Variants in ZNF90 observed in about 807,000 individuals in gnomAD.
ZNF90 encodes the protein zinc finger protein HTF9.
ZNF90 carries 11 observed loss-of-function variants against 12.0 expected under a neutral mutation model. That is an observed-to-expected ratio of 0.92 (90% CI 0.58 to 1.52). ZNF90 has a LOEUF of 1.52. Among genes scored for constraint, ZNF90 ranks in the 40% most tolerant of loss-of-function variants. ZNF90 has a pLI of 0.00. For synonymous variants in ZNF90, 232 were observed against 240.1 expected (o/e 0.97, Z 0.31); for missense variants, 765 against 711.5 (o/e 1.08, Z -0.86).
At chr19:20,091,181 A>T (rs571553451) in intron 1 of ZNF90, among the ~76,000 whole-genome samples, 1 of 152,306 alleles carries the variant, frequency 6.6e-6, no homozygotes, top group South Asian at 2.1e-4. Context: ...GACTCGAGGC[A>T]TGTGAGTAAA....
intron 1 of ZNF90, among the ~76,000 whole-genome samples, chr19:20,084,299 C>T (rs954640453): frequency 1.3e-4 from 20 of 151,794 alleles, no homozygotes; most frequent in Admixed American, 4.6e-4. Flanking sequence ...TCTGGTGATC[C>T]GCCCGGGTCA....
intron 3 of ZNF90, among the ~76,000 whole-genome samples, chr19:20,108,477 T>C (rs2089058462): frequency 6.6e-6 from 1 of 152,032 alleles, no homozygotes; most frequent in Non-Finnish European, 1.5e-5. Context: ...TCCCGGCTAA[T>C]TTTTGTATTT....
intron 3 of ZNF90, among the ~76,000 whole-genome samples, chr19:20,110,680 T>C (rs2089081288): frequency 6.6e-6 from 1 of 152,224 alleles, no homozygotes; most frequent in South Asian, 2.1e-4. Flanking sequence ...TTTTATTGCA[T>C]CATCAAGAGA....
intron 1 of ZNF90, among the ~76,000 whole-genome samples, chr19:20,102,820 A>G (rs1265771792): frequency 6.6e-6 from 1 of 152,202 alleles, no homozygotes; most frequent in Non-Finnish European, 1.5e-5. Context: ...ATGGAATGGC[A>G]TTTATTACCC....
intron 1 of ZNF90, chr19:20,080,266 C>T (rs1010482282): frequency 2.2e-5 from 13 of 577,824 alleles, no homozygotes; most frequent in Non-Finnish European, 3.8e-5. Flanking sequence ...GGTCTTGGTA[C>T]GGACTAGCTC....
intron 1 of ZNF90, among the ~76,000 whole-genome samples, chr19:20,093,914 GAGTC>G (rs2088922541): frequency 2.6e-5 from 4 of 152,204 alleles, no homozygotes; most frequent in Non-Finnish European, 5.9e-5. Context: ...ATCTGGGAAG[GAGTC>G]AGTCAGAGAG....
chr19:20,110,840 A>G (rs1319135494), intron 3 of ZNF90, among the ~76,000 whole-genome samples: 1 of 152,152 alleles, frequency 6.6e-6, no homozygotes, highest in Non-Finnish European at 1.5e-5. Flanking sequence ...TTTTCTAATG[A>G]AAACTTGTTT....
At chr19:20,117,744 A>G (rs2089152490) in intron 3 of ZNF90, 37 bp from the exon 4 acceptor site, 2 of 1,453,182 alleles carry the variant, frequency 1.4e-6, no homozygotes, top group African/African-American at 2.9e-5. Flanking sequence ...ATCAGAATCT[A>G]GCAATTGAAG....
At chr19:20,089,889 C>T (rs564497078) in intron 1 of ZNF90, among the ~76,000 whole-genome samples, 12 of 152,090 alleles carry the variant, frequency 7.9e-5, no homozygotes, top group East Asian at 3.9e-4. Context: ...GGATTAGAAG[C>T]GGCTAGGAGA....
rs1599658173 is a variant in ZNF90, at chr19:20,119,322, C to G, written c.1768C>G (p.Gln590Glu). Reference sequence around the variant, plus strand: ...TACACATAAGAGGATTCATATTGGACAGAAAGCCTACATAGTGAAGAACAT... The same window carrying G: ...TACACATAAGAGGATTCATATTGGAGAGAAAGCCTACATAGTGAAGAACAT... ...LNTHKRIHIG[Q>E]KAYIVKNMAN... Residue 590 changes from glutamine (Q) to glutamate (E), a missense_variant, in exon 4 of 4, where the codon CAG becomes GAG. Physicochemically the swap from Gln to Glu is conservative, Grantham distance 29. Coordinates refer to ENST00000418063, the MANE Select transcript of ZNF90 (RefSeq NM_007138.2). The G allele has an allele frequency of 7.5e-6, 12 of 1,604,412 alleles. No homozygotes were observed. The East Asian group carries it at 2.5e-4, about 33-fold the overall frequency.
chr19:20,085,404 T>G (rs529340839), intron 1 of ZNF90, among the ~76,000 whole-genome samples: 6 of 151,906 alleles, frequency 3.9e-5, no homozygotes, highest in Admixed American at 2.6e-4. Flanking sequence ...GGACTACAGG[T>G]GCCTGCCACC....
At chr19:20,115,218 ACT>A (rs1372965780) in intron 3 of ZNF90, among the ~76,000 whole-genome samples, 2 of 151,974 alleles carry the variant, frequency 1.3e-5, no homozygotes, top group Admixed American at 1.3e-4. Flanking sequence ...ATCTCAACTG[ACT>A]CTTGTAGAAA....
chr19:20,117,531 A>C, intron 3 of ZNF90: 1 of 950,320 alleles, frequency 1.1e-6, no homozygotes, highest in Non-Finnish European at 1.2e-6. Context: ...TCCGCCTCCC[A>C]GGCTCAAGCA....
intron 1 of ZNF90, among the ~76,000 whole-genome samples, chr19:20,083,511 G>A (rs2088836617): frequency 6.6e-6 from 1 of 151,886 alleles, no homozygotes; most frequent in South Asian, 2.1e-4. Flanking sequence ...GTTTTTAGTA[G>A]CAACAGGGTT....
At chr19:20,112,955 A>T (rs1326789004) in intron 3 of ZNF90, among the ~76,000 whole-genome samples, 1 of 152,150 alleles carries the variant, frequency 6.6e-6, no homozygotes, top group East Asian at 1.9e-4. Flanking sequence ...TGGGTATGTC[A>T]CATCACAGCA....
chr19:20,106,044 CTT>C lies in ZNF90; in HGVS notation c.226+750_226+751del, dbSNP rs56933917. 6.1e-4 allele frequency among the ~76,000 whole-genome samples: 43 copies of C among 71,058 alleles called. 1 individual carries two copies. Among genetic ancestry groups the C allele is most frequent in the Middle Eastern group, 0.018 (1 of 56 alleles). The allele number at this position is 71,058 out of a possible 152,430, so 46.6% of individuals were successfully genotyped here. The stretch of plus-strand genomic sequence containing the variant: ...TTATTTGGAACTTCTCTAATTTTTT[CTT>C]TTTTTTTTTTTTTTTTTTTTTGGTA... On this transcript the variant is annotated intron_variant, in intron 3 of 3. Coordinates refer to ENST00000418063, the MANE Select transcript of ZNF90 (RefSeq NM_007138.2).
intron 3 of ZNF90, among the ~76,000 whole-genome samples, chr19:20,116,997 A>C (rs1235623665): frequency 1.5e-4 from 20 of 137,516 alleles, no homozygotes; most frequent in African/African-American, 6.7e-4. Context: ...AAAAAAAAAG[A>C]ATTGGCAACT....
chr19:20,092,057 AG>A (rs1172176130), intron 1 of ZNF90, among the ~76,000 whole-genome samples: 24 of 152,292 alleles, frequency 1.6e-4, no homozygotes, highest in South Asian at 4.1e-4. Context: ...TGTGAATGTC[AG>A]GTGGATCAGA....
intron 3 of ZNF90, among the ~76,000 whole-genome samples, chr19:20,113,871 CT>C (rs1555705411): frequency 6.6e-6 from 1 of 152,038 alleles, no homozygotes; most frequent in Non-Finnish European, 1.5e-5. Flanking sequence ...GTGAATCTAT[CT>C]TATTTTTGTG....
Sources: allele counts gnomAD v4.1 joint callset (sites outside exome capture counted in the v4.1 genomes callset), GRCh38; gene constraint gnomAD v4.1.1; transcripts MANE v1.5; gene names NCBI Gene and HGNC (gene_info 2026-07-23, HGNC 2026-07-21).